FAF1: variants seen among roughly 807,000 people sequenced by gnomAD.
FAF1 encodes the protein FAS-associated factor 1.
FAF1 carries 25 observed loss-of-function variants against 92.5 expected under a neutral mutation model. The ratio of observed to expected loss-of-function variants is 0.27; its 90% CI spans 0.20 to 0.38. The LOEUF (loss-of-function observed/expected upper bound fraction) is 0.38. FAF1 is among the 10% of genes least tolerant of loss of function. The pLI, the probability that FAF1 is intolerant of heterozygous loss-of-function variation, is 1.00. For synonymous variants in FAF1, 234 were observed against 273.2 expected, an observed-to-expected ratio of 0.86 and a Z score of 1.42; for missense variants, 636 against 793.3, an observed-to-expected ratio of 0.80 and a Z score of 2.38.
chr1:50,920,228 G>T (rs1644951910), intron 1 of FAF1, among the ~76,000 whole-genome samples: 1 of 152,080 alleles, frequency 6.6e-6, no homozygotes, highest in Non-Finnish European at 1.5e-5. Flanking sequence ...TTGAGCCTGG[G>T]GGGCAGAGGG....
At chr1:50,655,599 G>A in intron 7 of FAF1, 71 bp from the exon 8 acceptor site, 3 of 913,244 alleles carry the variant, frequency 3.3e-6, no homozygotes, top group South Asian at 1.5e-5. Flanking sequence ...ATCAATTTAT[G>A]AGACATACAG....
intron 1 of FAF1, among the ~76,000 whole-genome samples, chr1:50,861,872 G>C (rs1243558118): frequency 6.6e-6 from 1 of 151,768 alleles, no homozygotes; most frequent in Non-Finnish European, 1.5e-5. Flanking sequence ...CCATCTGCAA[G>C]TGAGAAAGAG....
intron 17 of FAF1, among the ~76,000 whole-genome samples, chr1:50,482,413 A>G (rs1001544756): frequency 6.6e-6 from 1 of 152,198 alleles, no homozygotes; most frequent in African/African-American, 2.4e-5. Context: ...GATGACTACA[A>G]ATAAAGCTGC....
At chr1:50,715,087 T>C (rs1658116984) in intron 6 of FAF1, 1 of 380,442 alleles carries the variant, frequency 2.6e-6, no homozygotes. Flanking sequence ...AAAAAGACTA[T>C]TAAAACTAAC....
At chr1:50,921,709 G>C (rs972264668) in intron 1 of FAF1, among the ~76,000 whole-genome samples, 8 of 151,998 alleles carry the variant, frequency 5.3e-5, no homozygotes, top group African/African-American at 1.9e-4. Context: ...TGAGCCAGGA[G>C]GCAGAGGCAT....
At chr1:50,904,962 G>A (rs753656995) in intron 1 of FAF1, among the ~76,000 whole-genome samples, 3 of 149,110 alleles carry the variant, frequency 2.0e-5, no homozygotes, top group African/African-American at 5.0e-5. Flanking sequence ...ATCTATACAT[G>A]TGCCATGTTG....
At chr1:50,711,463 CTTTTTTTTTTTTT>C (rs1160668174) in intron 6 of FAF1, among the ~76,000 whole-genome samples, 1 of 81,976 alleles carries the variant, frequency 1.2e-5, no homozygotes, top group African/African-American at 5.1e-5. Context: ...TCCACACTGA[CTTTTTTTTTTTTT>C]TTTTTTTTTT....
chr1:50,752,148 T>C (rs1159911152), intron 4 of FAF1, among the ~76,000 whole-genome samples: 1 of 152,128 alleles, frequency 6.6e-6, no homozygotes, highest in Non-Finnish European at 1.5e-5. Context: ...TTTTGCATTT[T>C]TAGTAGAGAC....
intron 8 of FAF1, among the ~76,000 whole-genome samples, chr1:50,653,163 C>A (rs1380322941): frequency 6.7e-6 from 1 of 150,372 alleles, no homozygotes; most frequent in East Asian, 1.9e-4. Flanking sequence ...CTCACTCAAG[C>A]AAGAAAAACA....
intron 8 of FAF1, among the ~76,000 whole-genome samples, chr1:50,617,846 G>A (rs763966856): frequency 7.9e-5 from 12 of 151,894 alleles, no homozygotes; most frequent in Admixed American, 4.6e-4. Context: ...CTTGATACTC[G>A]TCTATTCAGG....
chr1:50,534,786 CTAT>C (rs1648382631), intron 15 of FAF1, among the ~76,000 whole-genome samples: 1 of 152,120 alleles, frequency 6.6e-6, no homozygotes, highest in Non-Finnish European at 1.5e-5. Context: ...GTATTGAACA[CTAT>C]TGTCATCGAT....
At chr1:50,503,652 A>C (rs909641128) in intron 15 of FAF1, among the ~76,000 whole-genome samples, 2 of 152,082 alleles carry the variant, frequency 1.3e-5, no homozygotes, top group Admixed American at 6.6e-5. Context: ...ACCAAAACAA[A>C]AAAAAAAGTA....
intron 8 of FAF1, chr1:50,607,040 C>G (rs1229997023): frequency 1.3e-5 from 2 of 152,182 alleles, no homozygotes; most frequent in African/African-American, 4.8e-5. Context: ...AAAAAGGTAT[C>G]TCTGTCTGCT....
intron 1 of FAF1, among the ~76,000 whole-genome samples, chr1:50,865,314 T>C (rs1462926815): frequency 1.3e-5 from 2 of 151,684 alleles, no homozygotes; most frequent in African/African-American, 4.8e-5. Context: ...GAAATACCAT[T>C]TGACCCAGCC....
chr1:50,669,429 T>A (rs977667857), intron 7 of FAF1, among the ~76,000 whole-genome samples: 2 of 152,202 alleles, frequency 1.3e-5, no homozygotes, highest in African/African-American at 4.8e-5. Context: ...TAAAAATGAA[T>A]AATACCTAGA....
intron 15 of FAF1, among the ~76,000 whole-genome samples, chr1:50,517,044 T>A (rs1002465613): frequency 3.3e-5 from 5 of 152,184 alleles, no homozygotes; most frequent in Non-Finnish European, 5.9e-5. Context: ...ATTTTACAAC[T>A]ACAAAAATGG....
intron 6 of FAF1, chr1:50,706,155 T>C (rs1334940084): frequency 8.6e-6 from 3 of 349,796 alleles, no homozygotes; most frequent in African/African-American, 2.0e-5. Context: ...CTACAAGTCA[T>C]AGGCTAATTC....
At chr1:50,805,018 C>A (rs1391225964) in intron 2 of FAF1, among the ~76,000 whole-genome samples, 2 of 152,104 alleles carry the variant, frequency 1.3e-5, no homozygotes, top group Non-Finnish European at 2.9e-5. Flanking sequence ...ATATCACTTG[C>A]TAAATACTAA....
At chr1:50,833,568 G>A (rs565588760) in intron 2 of FAF1, among the ~76,000 whole-genome samples, 58 of 152,212 alleles carry the variant, frequency 3.8e-4, no homozygotes, top group African/African-American at 1.3e-3. Flanking sequence ...AGCCACTGGT[G>A]ATCAACTTAA....
Sources: allele counts gnomAD v4.1 joint callset (sites outside exome capture counted in the v4.1 genomes callset), GRCh38; gene constraint gnomAD v4.1.1; transcripts MANE v1.5; gene names NCBI Gene and HGNC (gene_info 2026-07-23, HGNC 2026-07-21).